The following HDAC9 variants were observed in gnomAD, a reference collection of about 807,000 sequenced individuals.
HDAC9 encodes MEF-2 interacting transcription repressor (MITR) protein.
Under a neutral mutation model 139.4 loss-of-function variants are expected in HDAC9, and 41 were observed. The observed-to-expected ratio is 0.29, with a 90% CI of 0.23 to 0.38. The LOEUF (loss-of-function observed/expected upper bound fraction) is 0.38. Among genes scored for constraint, HDAC9 ranks in the 10% least tolerant of loss-of-function variants. The probability of loss-of-function intolerance (pLI) is 1.00; values close to 1 mark genes in which losing one functional copy is unlikely to be tolerated. For synonymous variants in HDAC9, 517 were observed against 476.2 expected (o/e 1.09, Z -1.12); for missense variants, 1,147 against 1,297.0 (o/e 0.88, Z 1.78).
chr7:18,873,815 G>A (rs554652744), intron 21 of HDAC9, among the ~76,000 whole-genome samples: 47 of 152,204 alleles, frequency 3.1e-4, no homozygotes, highest in African/African-American at 1.1e-3. Context: ...GAGCCCTGAA[G>A]TTGAGAAGGG....
At chr7:18,575,413 T>G (rs148417384) in intron 2 of HDAC9, among the ~76,000 whole-genome samples, 4 of 152,300 alleles carry the variant, frequency 2.6e-5, no homozygotes, top group African/African-American at 4.8e-5. Context: ...TAACATGGAG[T>G]ATTCAATCAT....
intron 2 of HDAC9, among the ~76,000 whole-genome samples, chr7:18,277,171 A>G (rs1024636484): frequency 2.2e-4 from 32 of 145,910 alleles, no homozygotes; most frequent in African/African-American, 6.6e-4. Context: ...AGGAGACCCA[A>G]GTTTAGTGTG....
chr7:18,617,083 G>C (rs1003113008), intron 6 of HDAC9, among the ~76,000 whole-genome samples: 1 of 152,070 alleles, frequency 6.6e-6, no homozygotes, highest in African/African-American at 2.4e-5. Flanking sequence ...ACTAACTTCT[G>C]TTATTGCTTG....
At chr7:18,183,235 TTC>T in intron 2 of HDAC9, among the ~76,000 whole-genome samples, 2 of 152,276 alleles carry the variant, frequency 1.3e-5, no homozygotes, top group African/African-American at 4.8e-5. Flanking sequence ...GGTCTTGATC[TTC>T]TGACCTCGTG....
At chr7:18,948,453 T>C (rs934408739) in intron 23 of HDAC9, among the ~76,000 whole-genome samples, 1 of 152,112 alleles carries the variant, frequency 6.6e-6, no homozygotes, top group African/African-American at 2.4e-5. Context: ...ATAACTGTCA[T>C]AACTGTAGAA....
intron 1 of HDAC9, among the ~76,000 whole-genome samples, chr7:18,126,338 G>A (rs925833853): frequency 6.6e-6 from 1 of 152,022 alleles, no homozygotes; most frequent in Non-Finnish European, 1.5e-5. Context: ...GATAGCGTTG[G>A]GTCAGTTTTT....
In HDAC9 at chr7:18,177,385, T is replaced by C. The variant is rs1343409324; in HGVS notation, c.25+15036T>C. 2.0e-5 allele frequency among the ~76,000 whole-genome samples: 3 copies of C among 152,170 alleles called. No homozygotes were observed. In the East Asian group the frequency reaches 5.8e-4, roughly 29 times the overall value. ...TATAGTCACTGCCCTGTATAAGAAA[T>C]GTCAGTGGCTCTCTATCACATCTAT... is the stretch of plus-strand genomic sequence containing the variant. On this transcript the variant is annotated intron_variant, in intron 2 of 12. Transcript: ENST00000417496.
At chr7:18,278,616 C>G (rs887990264) in intron 2 of HDAC9, among the ~76,000 whole-genome samples, 2 of 152,012 alleles carry the variant, frequency 1.3e-5, no homozygotes, top group Middle Eastern at 6.3e-3. Context: ...TTAGACATGC[C>G]TTTTATGTAA....
chr7:18,325,226 G>C (rs1800344928), intron 1 of HDAC9, among the ~76,000 whole-genome samples: 1 of 152,066 alleles, frequency 6.6e-6, no homozygotes, highest in African/African-American at 2.4e-5. Flanking sequence ...ATAAATATTA[G>C]TTTCCTTAAT....
chr7:18,435,698 G>T (rs1277103539), intron 1 of HDAC9, among the ~76,000 whole-genome samples: 2 of 151,212 alleles, frequency 1.3e-5, no homozygotes, highest in African/African-American at 4.8e-5. Flanking sequence ...TCAACTTATT[G>T]TGAAATATTT....
At chr7:18,718,781 G>A (rs528754845) in intron 12 of HDAC9, among the ~76,000 whole-genome samples, 12 of 152,132 alleles carry the variant, frequency 7.9e-5, no homozygotes, top group African/African-American at 2.9e-4. Context: ...TTTCTTAGGT[G>A]TATACATATT....
chr7:18,905,646 T>G (rs1802166937), intron 22 of HDAC9, among the ~76,000 whole-genome samples: 1 of 152,216 alleles, frequency 6.6e-6, no homozygotes, highest in Non-Finnish European at 1.5e-5. Context: ...CCTGCAAGTT[T>G]TTGTGTATGA....
chr7:18,288,181 C>G (rs985731616), upstream of HDAC9, among the ~76,000 whole-genome samples: 2 of 152,178 alleles, frequency 1.3e-5, no homozygotes, highest in African/African-American at 4.8e-5. Flanking sequence ...TCCATCAGTG[C>G]TCATTTGTAG....
chr7:18,698,001 A>G (rs549248631), intron 12 of HDAC9, among the ~76,000 whole-genome samples: 1 of 152,260 alleles, frequency 6.6e-6, no homozygotes, highest in South Asian at 2.1e-4. Flanking sequence ...GTAATGCTAA[A>G]ATTAGACTCA....
At chr7:18,589,076 G>A (rs1276924825) in intron 3 of HDAC9, among the ~76,000 whole-genome samples, 2 of 152,146 alleles carry the variant, frequency 1.3e-5, no homozygotes, top group African/African-American at 4.8e-5. Context: ...GCTCCGAGTA[G>A]TTTAGTAACT....
intron 6 of HDAC9, among the ~76,000 whole-genome samples, chr7:18,620,703 A>C (rs921575253): frequency 6.6e-6 from 1 of 152,114 alleles, no homozygotes; most frequent in African/African-American, 2.4e-5. Flanking sequence ...CATGAGCTTT[A>C]GATGCTAAGG....
At chr7:18,292,342 C>CCACAAGAAATAGGTTTGTT in intron 1 of HDAC9, among the ~76,000 whole-genome samples, 1 of 152,214 alleles carries the variant, frequency 6.6e-6, no homozygotes, top group Non-Finnish European at 1.5e-5. Flanking sequence ...GAGCGTTTGT[C>CCACAAGAAATAGGTTTGTT]CACAAGAAAT....
In HDAC9 at chr7:18,469,533, G is replaced by A. The variant is rs910386726; in HGVS notation, c.-41-26729G>A. On this transcript the variant is annotated intron_variant, in intron 1 of 3. Transcript: ENST00000413509. ...TCTAACAGGGAGCTTAACAGAGCAA[G>A]AGAAAGTGTGTAGGTGTTCAGTAGT... Among the ~76,000 whole-genome samples the A allele has an allele frequency of 9.2e-5, 14 of 152,286 alleles. No individual in the cohort carries two copies. In the South Asian group the frequency reaches 2.7e-3, roughly 29 times the overall value.
chr7:18,304,474 A>G (rs1026695015), intron 1 of HDAC9, among the ~76,000 whole-genome samples: 4 of 152,202 alleles, frequency 2.6e-5, no homozygotes, highest in African/African-American at 7.2e-5. Context: ...CTTAGCAAGC[A>G]TCATGGAGCC....
Sources: allele counts gnomAD v4.1 joint callset (sites outside exome capture counted in the v4.1 genomes callset), GRCh38; gene constraint gnomAD v4.1.1; transcripts MANE v1.5; gene names NCBI Gene and HGNC (gene_info 2026-07-23, HGNC 2026-07-21).